Variants in PSD3 observed in about 807,000 individuals in gnomAD.
PSD3 encodes PH and SEC7 domain-containing protein 3.
In PSD3, 49 loss-of-function variants were observed where a neutral mutation model predicts 105.5. The observed-to-expected ratio is 0.46, with a 90% CI of 0.37 to 0.59. The LOEUF (loss-of-function observed/expected upper bound fraction) is 0.59. PSD3 is among the 20% of genes least tolerant of loss of function. The pLI is 0.00. For missense variants in PSD3, 1,561 were observed against 1,263.8 expected, an observed-to-expected ratio of 1.24 and a Z score of -3.57; for synonymous variants, 557 against 457.8, an observed-to-expected ratio of 1.22 and a Z score of -2.77.
Position 18,701,238 on chromosome 8 carries a change from G to T in PSD3, c.2173-45553C>A, listed in dbSNP as rs1801565147. On this transcript the variant is annotated intron_variant, in intron 9 of 15. Coordinates refer to ENST00000327040, the MANE Select transcript of PSD3 (RefSeq NM_015310.4). ...TCCTGCCTTAACTTCCCCAAATTCT[G>T]AGATTACAGGTGCAAGTCACTGTGA... Among the ~76,000 whole-genome samples, 3 of 151,068 alleles carry T rather than the reference G, an allele frequency of 2.0e-5. No individual in the cohort carries two copies. In the South Asian group the frequency reaches 6.3e-4, roughly 31 times the overall value.
chr8:18,916,961 C>T (rs975614293), intron 2 of PSD3, among the ~76,000 whole-genome samples: 2 of 152,008 alleles, frequency 1.3e-5, no homozygotes, highest in Admixed American at 1.3e-4. Context: ...CCCTCTAGCC[C>T]AGACCTGATA....
At chr8:18,741,924 A>G (rs2129434753) in intron 9 of PSD3, among the ~76,000 whole-genome samples, 1 of 152,310 alleles carries the variant, frequency 6.6e-6, no homozygotes, top group South Asian at 2.1e-4. Flanking sequence ...AATGAGATCT[A>G]AAAGATTTAA....
At chr8:18,736,353 A>T (rs1429578667) in intron 9 of PSD3, among the ~76,000 whole-genome samples, 1 of 152,188 alleles carries the variant, frequency 6.6e-6, no homozygotes, top group Non-Finnish European at 1.5e-5. Flanking sequence ...GAAAGAATCA[A>T]ATGTGTTAAT....
chr8:18,580,768 T>C (rs1343774345), intron 12 of PSD3, among the ~76,000 whole-genome samples: 2 of 152,176 alleles, frequency 1.3e-5, no homozygotes, highest in Non-Finnish European at 2.9e-5. Context: ...AAATTCAGGT[T>C]TGAACAGCTG....
At chr8:18,687,109 A>C (rs911401893) in intron 9 of PSD3, among the ~76,000 whole-genome samples, 5 of 152,154 alleles carry the variant, frequency 3.3e-5, no homozygotes, top group Non-Finnish European at 7.3e-5. Flanking sequence ...AAATAAAGGA[A>C]CTACTTTAAA....
intron 9 of PSD3, among the ~76,000 whole-genome samples, chr8:18,672,278 C>T (rs776932583): frequency 6.6e-5 from 10 of 151,740 alleles, no homozygotes; most frequent in South Asian, 2.1e-4. Flanking sequence ...ATGAAGTTAA[C>T]GTGCACAGTT....
At chr8:18,640,142 G>A (rs538065540) in intron 10 of PSD3, among the ~76,000 whole-genome samples, 4 of 152,130 alleles carry the variant, frequency 2.6e-5, no homozygotes, top group African/African-American at 9.7e-5. Flanking sequence ...CATGATTGTA[G>A]AACTCCGTTG....
intron 12 of PSD3, 145 bp from the exon 13 acceptor site, chr8:18,575,430 C>A (rs1392831956): frequency 2.7e-6 from 2 of 731,118 alleles, no homozygotes; most frequent in African/African-American, 1.8e-5. Context: ...GTAAAAACAA[C>A]CTTATAAATG....
chr8:18,693,340 G>A (rs866370772), intron 9 of PSD3, among the ~76,000 whole-genome samples: 13 of 152,274 alleles, frequency 8.5e-5, no homozygotes, highest in Middle Eastern at 6.8e-3. Context: ...CACATAAGGC[G>A]GCAGCAAAGC....
intron 15 of PSD3, among the ~76,000 whole-genome samples, chr8:18,543,212 C>T (rs753725524): frequency 2.6e-5 from 4 of 151,984 alleles, no homozygotes; most frequent in Admixed American, 6.6e-5. Context: ...TGTTTAATGG[C>T]GCCTTTGTCT....
chr8:18,803,804 T>C (rs1173351901), intron 6 of PSD3, among the ~76,000 whole-genome samples: 1 of 152,060 alleles, frequency 6.6e-6, no homozygotes, highest in Non-Finnish European at 1.5e-5. Flanking sequence ...AGTCATTGTT[T>C]AACGAGTATG....
intron 2 of PSD3, among the ~76,000 whole-genome samples, chr8:18,920,980 A>G (rs760671193): frequency 3.3e-5 from 5 of 152,222 alleles, no homozygotes; most frequent in Non-Finnish European, 7.3e-5. Flanking sequence ...TATACTTATA[A>G]TATTTTCAAA....
intron 4 of PSD3, among the ~76,000 whole-genome samples, chr8:18,830,855 T>A (rs970968230): frequency 2.6e-5 from 4 of 152,168 alleles, no homozygotes; most frequent in Non-Finnish European, 4.4e-5. Context: ...GAACAGAGCA[T>A]CTTGGGGAAA....
At chr8:18,636,577 C>T (rs1807270644) in intron 10 of PSD3, among the ~76,000 whole-genome samples, 2 of 152,192 alleles carry the variant, frequency 1.3e-5, no homozygotes, top group Admixed American at 1.3e-4. Flanking sequence ...TCAACACTCA[C>T]TCAGTCACTG....
intron 15 of PSD3, among the ~76,000 whole-genome samples, chr8:18,554,726 A>G (rs1466879463): frequency 6.6e-6 from 1 of 152,166 alleles, no homozygotes; most frequent in Admixed American, 6.5e-5. Flanking sequence ...AATCCGCTAC[A>G]GGTAACAAAG....
chr8:19,035,298 A>C (rs1827903558), intron 1 of PSD3, among the ~76,000 whole-genome samples: 1 of 152,182 alleles, frequency 6.6e-6, no homozygotes, highest in Admixed American at 6.5e-5. Context: ...ATTTCTGTGT[A>C]TCTCTATTTA....
At chr8:18,637,034 C>CTGTA (rs1403776751) in intron 10 of PSD3, among the ~76,000 whole-genome samples, 1 of 152,224 alleles carries the variant, frequency 6.6e-6, no homozygotes, top group Non-Finnish European at 1.5e-5. Context: ...ACTTGCTTAT[C>CTGTA]TGTACATCTT....
intron 8 of PSD3, among the ~76,000 whole-genome samples, chr8:18,767,991 C>T (rs929177822): frequency 6.6e-6 from 1 of 151,436 alleles, no homozygotes; most frequent in Non-Finnish European, 1.5e-5. Flanking sequence ...GTAGCAGAGG[C>T]CGGGCGCGGT....
rs142381055 is a variant in PSD3 at position 19,024,458 on chromosome 8, C to T, written c.324+59748G>A. 1.4e-3 allele frequency among the ~76,000 whole-genome samples: 220 copies of T among 152,300 alleles called. 1 individual carries two copies. The highest frequency in any genetic ancestry group is 4.7e-3 in the African/African-American group (197 of 41,568). On this transcript the variant is annotated intron_variant, in intron 1 of 1. Coordinates refer to the PSD3 transcript ENST00000521475. ...GAAGACAGAAGGGGTCCCACTAACT[C>T]ATTGTCTAACTGTGTGGGATAAAAC...
Sources: allele counts gnomAD v4.1 joint callset (sites outside exome capture counted in the v4.1 genomes callset), GRCh38; gene constraint gnomAD v4.1.1; transcripts MANE v1.5; gene names NCBI Gene and HGNC (gene_info 2026-07-23, HGNC 2026-07-21).